The following TLN2 variants were observed in gnomAD, a reference collection of about 807,000 sequenced individuals.
TLN2 encodes talin-2.
Under a neutral mutation model 294.7 loss-of-function variants are expected in TLN2, and 118 were observed. The observed-to-expected ratio is 0.40, with a 90% confidence interval of 0.34 to 0.47. The LOEUF is 0.47. Ranked by LOEUF, TLN2 falls within the 20% of genes least tolerant of loss-of-function variation. The pLI, the probability that TLN2 is intolerant of heterozygous loss-of-function variation, is 0.84. For synonymous variants in TLN2, 1,431 were observed against 1,304.5 expected (o/e 1.10, Z -2.09); for missense variants, 3,083 against 3,282.2 (o/e 0.94, Z 1.48).
At chr15:62,833,286 C>T (rs2069072107) in intron 54 of TLN2, 6 of 563,968 alleles carry the variant, frequency 1.1e-5, no homozygotes, top group Admixed American at 6.6e-5. Context: ...CACTGTGACC[C>T]GAGGGTGGCT....
intron 1 of TLN2, among the ~76,000 whole-genome samples, chr15:62,394,408 T>C (rs1220475465): frequency 6.6e-6 from 1 of 152,194 alleles, no homozygotes; most frequent in Non-Finnish European, 1.5e-5. Flanking sequence ...TACAAAAATT[T>C]TAAAGACAAG....
At chr15:62,774,797 G>C (rs983276270) in intron 42 of TLN2, among the ~76,000 whole-genome samples, 4 of 152,068 alleles carry the variant, frequency 2.6e-5, no homozygotes, top group African/African-American at 9.7e-5. Flanking sequence ...TTAAATTGTT[G>C]AAGGAGTTCA....
intron 1 of TLN2, among the ~76,000 whole-genome samples, chr15:62,422,274 G>A (rs2034454298): frequency 6.7e-6 from 1 of 148,314 alleles, no homozygotes; most frequent in South Asian, 2.1e-4. Context: ...TTCTCAAAGT[G>A]CAGTCCAGGC....
At chr15:62,700,263 G>A (rs1170653186) in intron 16 of TLN2, among the ~76,000 whole-genome samples, 1 of 152,196 alleles carries the variant, frequency 6.6e-6, no homozygotes, top group Non-Finnish European at 1.5e-5. Context: ...TCTAGTGCTA[G>A]TCACATCCTG....
rs573815158 is a variant in TLN2, at chr15:62,776,220, C to T, written c.5368-544C>T. Among the ~76,000 whole-genome samples, 10 of 152,166 alleles carry T rather than the reference C, an allele frequency of 6.6e-5. No homozygotes were observed. In the South Asian group the frequency reaches 1.9e-3, roughly 28 times the overall value. On this transcript the variant is annotated intron_variant, in intron 42 of 58. Transcript: ENST00000636159. Reference sequence around the variant, plus strand: ...AATGCATGGGTACTCAGGGCTTTACCGGCAGGGCTCCATGCATTTCTCCAA... The same window carrying T: ...AATGCATGGGTACTCAGGGCTTTACTGGCAGGGCTCCATGCATTTCTCCAA...
chr15:62,523,644 A>G (rs574970349), intron 1 of TLN2, among the ~76,000 whole-genome samples: 52 of 152,374 alleles, frequency 3.4e-4, no homozygotes, highest in African/African-American at 1.1e-3. Context: ...TCAAATGGGC[A>G]GAAAAATAAA....
intron 2 of TLN2, among the ~76,000 whole-genome samples, chr15:62,615,891 C>G (rs570927245): frequency 6.6e-6 from 1 of 152,222 alleles, no homozygotes; most frequent in African/African-American, 2.4e-5. Context: ...AGTGTTCAGA[C>G]TCCTGCTAAG....
At chr15:62,505,439 C>T (rs1189487830) in intron 1 of TLN2, among the ~76,000 whole-genome samples, 2 of 152,212 alleles carry the variant, frequency 1.3e-5, no homozygotes, top group Non-Finnish European at 2.9e-5. Flanking sequence ...GAAATCCTGG[C>T]ATCATGTTAG....
chr15:62,739,458 T>A lies in TLN2; in HGVS notation c.3798T>A (p.Ser1266Arg), dbSNP rs765039432. Residue 1266 changes from serine to arginine, a missense_variant, in exon 31 of 59, where the codon AGT becomes AGA. By Grantham distance (110) the Ser-to-Arg change is moderately radical. Coordinates refer to ENST00000636159, the MANE Select transcript of TLN2 (RefSeq NM_015059.3). ...GEVVHATRGQ[S>R]GELAAASGKF... Reference sequence around the variant, plus strand: ...TGGTCCATGCCACCCGGGGCCAGAGTGGAGAGTTGGCTGCAGCCTCTGGAA... The same window carrying A: ...TGGTCCATGCCACCCGGGGCCAGAGAGGAGAGTTGGCTGCAGCCTCTGGAA... 2.0e-5 allele frequency: 33 copies of A among 1,613,872 alleles called. No homozygotes were observed. In the East Asian group the frequency reaches 7.4e-4, roughly 36 times the overall value.
At chr15:62,753,236 A>G (rs1181724772) in intron 35 of TLN2, among the ~76,000 whole-genome samples, 1 of 152,158 alleles carries the variant, frequency 6.6e-6, no homozygotes, top group Admixed American at 6.5e-5. Context: ...TTACTCAATT[A>G]CAAAGTTAAG....
intron 19 of TLN2, among the ~76,000 whole-genome samples, chr15:62,703,088 G>A (rs949167768): frequency 3.3e-5 from 5 of 151,420 alleles, no homozygotes; most frequent in South Asian, 2.1e-4. Context: ...TGTAAAGCAC[G>A]TATTTAGCTT....
In TLN2 at chr15:62,655,962, G is replaced by T. The variant is rs766659676; in HGVS notation, c.536G>T (p.Ser179Ile). The part of the protein sequence containing the change: ...TDDDLNWLDH[S>I]RTFREQGVDE... ...GTTGCAGTAAATTGGCTGGATCACA[G>T]CCGAACATTCAGAGAACAAGGAGTA... Residue 179 changes from serine to isoleucine, a missense_variant, in exon 8 of 59, where the codon AGC becomes ATC. Physicochemically the swap from Ser to Ile is moderately radical, Grantham distance 142. Coordinates refer to ENST00000636159, the MANE Select transcript of TLN2 (RefSeq NM_015059.3). 6.2e-7 allele frequency: 1 copy of T among 1,614,186 alleles called. No individual in the cohort carries two copies. The highest frequency in any genetic ancestry group is 8.5e-7 in the Non-Finnish European group (1 of 1,180,034).
chr15:62,643,764 C>T (rs1464198664), intron 3 of TLN2, among the ~76,000 whole-genome samples: 1 of 152,074 alleles, frequency 6.6e-6, no homozygotes, highest in African/African-American at 2.4e-5. Context: ...GGAATTGAGC[C>T]TGCACCTCAG....
At chr15:62,747,625 G>C (rs1342055978) in intron 32 of TLN2, among the ~76,000 whole-genome samples, 1 of 152,118 alleles carries the variant, frequency 6.6e-6, no homozygotes, top group South Asian at 2.1e-4. Flanking sequence ...TCTTTCTTAT[G>C]AATGTATTAG....
chr15:62,511,236 C>G (rs146812403), intron 1 of TLN2, among the ~76,000 whole-genome samples: 1 of 152,090 alleles, frequency 6.6e-6, no homozygotes, highest in Non-Finnish European at 1.5e-5. Flanking sequence ...TACGGGCTTC[C>G]GATGAGTCTA....
chr15:62,449,727 G>C (rs2035996569), intron 1 of TLN2, among the ~76,000 whole-genome samples: 1 of 152,136 alleles, frequency 6.6e-6, no homozygotes, highest in Non-Finnish European at 1.5e-5. Context: ...AGTGAGCTAT[G>C]ATCAAGCCAC....
intron 1 of TLN2, among the ~76,000 whole-genome samples, chr15:62,404,009 G>A (rs1241005363): frequency 3.3e-5 from 5 of 152,156 alleles, no homozygotes; most frequent in South Asian, 2.1e-4. Flanking sequence ...ATAGGTACTC[G>A]ACAAAAAATT....
intron 1 of TLN2, among the ~76,000 whole-genome samples, chr15:62,416,666 T>G (rs1172989983): frequency 6.6e-6 from 1 of 152,192 alleles, no homozygotes; most frequent in Non-Finnish European, 1.5e-5. Flanking sequence ...AAGAGATGAC[T>G]CTCAAGCCAT....
chr15:62,732,251 C>T (rs1010479005), intron 28 of TLN2, among the ~76,000 whole-genome samples: 3 of 152,160 alleles, frequency 2.0e-5, no homozygotes, highest in African/African-American at 2.4e-5. Context: ...TTACATGTTG[C>T]GTCATCTCAT....
Sources: gnomAD v4.1 joint callset for allele counts (sites outside exome capture counted in the v4.1 genomes callset) on GRCh38, gnomAD v4.1.1 for gene constraint, MANE v1.5 for transcripts, NCBI Gene and HGNC (gene_info 2026-07-23, HGNC 2026-07-21) for gene names.